Variants in RUFY3 observed in about 807,000 individuals in gnomAD.
RUFY3 encodes the protein RUN and FYVE domain containing 3, also known as protein RUFY3.
In RUFY3, 34 loss-of-function variants were observed where a neutral mutation model predicts 84.0. The observed-to-expected ratio is 0.40, with a 90% CI of 0.31 to 0.54. The LOEUF (loss-of-function observed/expected upper bound fraction) is 0.54, where lower values mean the gene tolerates loss of function less well. Ranked by LOEUF, RUFY3 falls within the 20% of genes least tolerant of loss-of-function variation. The probability of loss-of-function intolerance (pLI) is 0.39; values close to 1 mark genes in which losing one functional copy is unlikely to be tolerated. For missense variants in RUFY3, 507 were observed against 736.8 expected, an observed-to-expected ratio of 0.69 and a Z score of 3.61; for synonymous variants, 242 against 252.9, an observed-to-expected ratio of 0.96 and a Z score of 0.41.
At chr4:70,765,103 G>T (rs548314589) in intron 4 of RUFY3, among the ~76,000 whole-genome samples, 1 of 150,334 alleles carries the variant, frequency 6.7e-6, no homozygotes, top group African/African-American at 2.5e-5. Context: ...CACGAGAATC[G>T]CTTGGACCTG....
intron 7 of RUFY3, among the ~76,000 whole-genome samples, chr4:70,777,305 C>G (rs1560537084): frequency 6.6e-6 from 1 of 152,192 alleles, no homozygotes; most frequent in Non-Finnish European, 1.5e-5. Flanking sequence ...AGTTTCCTCT[C>G]TCCTGAGAAG....
intron 1 of RUFY3, among the ~76,000 whole-genome samples, chr4:70,715,850 A>G (rs1265710943): frequency 6.6e-6 from 1 of 152,130 alleles, no homozygotes; most frequent in African/African-American, 2.4e-5. Flanking sequence ...ACAGTGGCCA[A>G]TGCCTGTAAT....
chr4:70,707,827 C>G (rs920866593), intron 1 of RUFY3, among the ~76,000 whole-genome samples: 1 of 151,986 alleles, frequency 6.6e-6, no homozygotes, highest in African/African-American at 2.4e-5. Context: ...TGCTTTAGAA[C>G]GTAAGCATAC....
intron 5 of RUFY3, among the ~76,000 whole-genome samples, chr4:70,768,900 A>G (rs1266264133): frequency 3.3e-5 from 5 of 152,142 alleles, no homozygotes; most frequent in African/African-American, 4.8e-5. Context: ...AAACATACAT[A>G]TACACACACA....
chr4:70,738,548 G>A (rs1720789856), intron 1 of RUFY3, among the ~76,000 whole-genome samples: 1 of 150,394 alleles, frequency 6.6e-6, no homozygotes, highest in Admixed American at 6.6e-5. Flanking sequence ...ATTTTTGGTA[G>A]AGACAGGGTT....
intron 12 of RUFY3, chr4:70,793,061 C>CTA: frequency 1.0e-6 from 1 of 985,350 alleles, no homozygotes; most frequent in South Asian, 4.7e-5. Context: ...ACATGCTTCT[C>CTA]TATAGGTGCA....
At chr4:70,758,098 A>G (rs1724342842) in intron 1 of RUFY3, among the ~76,000 whole-genome samples, 1 of 152,224 alleles carries the variant, frequency 6.6e-6, no homozygotes, top group Admixed American at 6.5e-5. Flanking sequence ...TATTCAGCTC[A>G]GTACAATGTT....
exon 1 of RUFY3, chr4:70,705,258 A>AGCGGCGGCG (rs758130707): frequency 1.4e-6 from 2 of 1,439,620 alleles, no homozygotes; most frequent in Non-Finnish European, 1.8e-6. Context: ...GAGCTACCCG[A>AGCGGCGGCG]GCGGCGGCGG....
At chr4:70,745,636 C>G (rs186337091) in intron 1 of RUFY3, among the ~76,000 whole-genome samples, 1 of 152,176 alleles carries the variant, frequency 6.6e-6, no homozygotes, top group African/African-American at 2.4e-5. Flanking sequence ...TAAAATATTA[C>G]CTACCAAAAT....
intron 8 of RUFY3, among the ~76,000 whole-genome samples, chr4:70,781,320 C>G (rs989209502): frequency 1.3e-5 from 2 of 151,992 alleles, no homozygotes; most frequent in Non-Finnish European, 2.9e-5. Context: ...CCCATCTCTA[C>G]ACCAAAAAAA....
intron 9 of RUFY3, among the ~76,000 whole-genome samples, chr4:70,783,961 G>C (rs1729355503): frequency 6.6e-6 from 1 of 152,022 alleles, no homozygotes; most frequent in South Asian, 2.1e-4. Flanking sequence ...CTCTCCCTAG[G>C]AATTCAAATC....
chr4:70,742,304 T>C (rs1463421862), intron 1 of RUFY3, among the ~76,000 whole-genome samples: 1 of 152,182 alleles, frequency 6.6e-6, no homozygotes, highest in Non-Finnish European at 1.5e-5. Context: ...CTCAGAGCGA[T>C]TTACACATTT....
rs77608667 is a variant in RUFY3, at chr4:70,706,357, G to A, written c.358+1063G>A. Among the ~76,000 whole-genome samples the A allele has an allele frequency of 9.6e-3, 1,461 of 152,166 alleles. 27 individuals are homozygous for A. Among genetic ancestry groups the A allele is most frequent in the African/African-American group, 0.034 (1,396 of 41,498 alleles). On this transcript the variant is annotated intron_variant, in intron 1 of 11. Coordinates refer to the RUFY3 transcript ENST00000417478. The stretch of plus-strand genomic sequence containing the variant: ...CTGCTCTGCCCTGCCAAGAAACCCT[G>A]ACTCACCTTTTCTGCCCCGATCCAT...
intron 1 of RUFY3, among the ~76,000 whole-genome samples, chr4:70,714,200 A>G (rs1741321489): frequency 6.6e-6 from 1 of 151,554 alleles, no homozygotes; most frequent in African/African-American, 2.4e-5. Context: ...CTCTTTCATC[A>G]CCTCCCGTAA....
chr4:70,712,393 C>T (rs1423300887), intron 1 of RUFY3, among the ~76,000 whole-genome samples: 1 of 152,156 alleles, frequency 6.6e-6, no homozygotes, highest in Non-Finnish European at 1.5e-5. Flanking sequence ...GTTCCCTCAC[C>T]ACCAAGGTCT....
At chr4:70,735,606 C>A (rs1720138161) in intron 1 of RUFY3, among the ~76,000 whole-genome samples, 1 of 151,932 alleles carries the variant, frequency 6.6e-6, no homozygotes, top group African/African-American at 2.4e-5. Context: ...TTTGGGAGGC[C>A]AAGGCAGGCG....
chr4:70,783,139 C>T lies in RUFY3; in HGVS notation c.943C>T (p.Arg315Ter), dbSNP rs368406328. The change falls in exon 9 of 18, where the codon CGA (arginine) becomes TGA (stop). Residue 315 changes from arginine to a stop codon, truncating the protein, a stop_gained. Coordinates refer to ENST00000381006, the MANE Select transcript of RUFY3 (RefSeq NM_001037442.4). LOFTEE classifies it high-confidence loss of function. ...RIITLQEEMERVKEESSYILE... is the reference protein window; with the variant it reads ...RIITLQEEME ...CATTACCTTACAAGAAGAAATGGAA[C>T]GAGTTAAAGAGGAAAGTTCCTACAT... 1.9e-6 allele frequency: 3 copies of T among 1,611,478 alleles called. No individual in the cohort carries two copies. The highest frequency in any genetic ancestry group is 1.3e-5 in the African/African-American group (1 of 74,824).
intron 10 of RUFY3, among the ~76,000 whole-genome samples, chr4:70,788,072 G>C (rs1730196210): frequency 7.3e-4 from 1 of 1,366 alleles, no homozygotes; most frequent in Non-Finnish European, 1.2e-3. Context: ...AGATCACGAG[G>C]TCAGGAATTC....
intron 1 of RUFY3, among the ~76,000 whole-genome samples, chr4:70,741,470 A>C (rs1283814288): frequency 6.6e-6 from 1 of 152,228 alleles, no homozygotes; most frequent in Non-Finnish European, 1.5e-5. Flanking sequence ...TTGTACTCCC[A>C]GCCCTTGTCA....
Sources: gnomAD v4.1 joint callset for allele counts (sites outside exome capture counted in the v4.1 genomes callset) on GRCh38, gnomAD v4.1.1 for gene constraint, MANE v1.5 for transcripts, NCBI Gene and HGNC (gene_info 2026-07-23, HGNC 2026-07-21) for gene names.